The following FANCC variants were observed in gnomAD, a reference collection of about 807,000 sequenced individuals.
The protein encoded by FANCC is FA complementation group C.
Under a neutral mutation model 71.3 loss-of-function variants are expected in FANCC, and 55 were observed. The ratio of observed to expected loss-of-function variants is 0.77; its 90% CI spans 0.62 to 0.97. The LOEUF is 0.97. Among genes scored for constraint, FANCC ranks in the 50% least tolerant of loss-of-function variants. FANCC has a pLI of 0.00. For missense variants in FANCC, 678 were observed against 670.9 expected (o/e 1.01, Z -0.12); for synonymous variants, 275 against 244.9 (o/e 1.12, Z -1.15).
chr9:95,274,132 G>A (rs559584286), intron 1 of FANCC, among the ~76,000 whole-genome samples: 8 of 152,094 alleles, frequency 5.3e-5, no homozygotes, highest in East Asian at 1.9e-4. Context: ...CGATCAACCC[G>A]TCATCTACGT....
chr9:95,317,662 G>C lies in FANCC; in HGVS notation c.-215C>G, dbSNP rs1173057501. 2 of 152,208 alleles carry C rather than the reference G, an allele frequency of 1.3e-5. No homozygotes were observed. The highest frequency in any genetic ancestry group is 2.4e-5 in the African/African-American group (1 of 41,440). 9.4% of individuals were successfully genotyped at this position (152,208 alleles called of 1,614,324 possible). ...GTTTTTTTGGAATTTTCCCGCGGTC[G>C]CCCGGCAGTGGAGCCGCGCGCGCGC... On this transcript the variant is annotated 5_prime_UTR_variant, in exon 1 of 15. Transcript: ENST00000289081.
At chr9:95,168,557 A>G (rs1825455459) in intron 6 of FANCC, among the ~76,000 whole-genome samples, 1 of 152,186 alleles carries the variant, frequency 6.6e-6, no homozygotes, top group Non-Finnish European at 1.5e-5. Context: ...TCGAGATGGC[A>G]CCTTGCTCTG....
intron 6 of FANCC, among the ~76,000 whole-genome samples, chr9:95,163,223 T>C (rs1830858173): frequency 6.6e-6 from 1 of 152,238 alleles, no homozygotes; most frequent in African/African-American, 2.4e-5. Context: ...AGGATACCCT[T>C]GTCAAAGACC....
chr9:95,119,276 TCGACA>T (rs1304141739), intron 10 of FANCC, among the ~76,000 whole-genome samples: 1 of 152,210 alleles, frequency 6.6e-6, no homozygotes. Context: ...TCATATATTC[TCGACA>T]CAAGTCCTCT....
At chr9:95,211,129 A>T (rs957053837) in intron 4 of FANCC, among the ~76,000 whole-genome samples, 1 of 152,230 alleles carries the variant, frequency 6.6e-6, no homozygotes, top group Non-Finnish European at 1.5e-5. Flanking sequence ...ACTTGACAAC[A>T]GGCAGCACCA....
intron 10 of FANCC, among the ~76,000 whole-genome samples, chr9:95,124,363 G>A (rs1188967381): frequency 1.3e-5 from 2 of 152,146 alleles, no homozygotes; most frequent in Non-Finnish European, 2.9e-5. Context: ...TATATATGCT[G>A]AAAGGTGAAA....
In FANCC at chr9:95,105,505, A is replaced by AT. The variant is rs554110611; in HGVS notation, c.1533+1560dup. ...TGCTGGTGCTTTTTCTGAGATGAGT[A>AT]TTTTTTTAAATTGTGGTAAAATATA... On this transcript the variant is annotated intron_variant, in intron 14 of 14. Coordinates refer to ENST00000289081, the MANE Select transcript of FANCC (RefSeq NM_000136.3). 3.7e-4 allele frequency among the ~76,000 whole-genome samples: 57 copies of AT among 152,306 alleles called. 1 individual carries two copies. Among genetic ancestry groups the AT allele is most frequent in the East Asian group, 3.3e-3 (17 of 5,188 alleles).
At chr9:95,247,332 A>T in intron 3 of FANCC, 100 bp downstream of exon 3, 3 of 479,308 alleles carry the variant, frequency 6.3e-6, no homozygotes, top group East Asian at 4.5e-5. Context: ...TTGTTCCATT[A>T]AAAAAAAAAA....
chr9:95,199,206 G>C (rs1008440049), intron 4 of FANCC, among the ~76,000 whole-genome samples: 4 of 152,064 alleles, frequency 2.6e-5, no homozygotes, highest in Admixed American at 6.5e-5. Flanking sequence ...CTGTTCCACA[G>C]ACTGCACTCT....
At chr9:95,268,848 C>T (rs531211134) in intron 1 of FANCC, among the ~76,000 whole-genome samples, 1 of 152,300 alleles carries the variant, frequency 6.6e-6, no homozygotes, top group East Asian at 1.9e-4. Flanking sequence ...CAGGTGTGTG[C>T]CTGGCAGCTA....
intron 4 of FANCC, among the ~76,000 whole-genome samples, chr9:95,194,635 T>A (rs376635105): frequency 6.2e-5 from 9 of 144,096 alleles, no homozygotes; most frequent in Admixed American, 2.0e-4. Flanking sequence ...TTATTTGCCA[T>A]TTTTTTTTTG....
chr9:95,106,836 G>T (rs532768831), intron 14 of FANCC, among the ~76,000 whole-genome samples: 26 of 152,294 alleles, frequency 1.7e-4, no homozygotes, highest in South Asian at 6.2e-4. Flanking sequence ...GTGGGCCCAG[G>T]AGATGGCATC....
At chr9:95,127,256 G>A (rs1826140336) in intron 8 of FANCC, 1 of 152,644 alleles carries the variant, frequency 6.6e-6, no homozygotes, top group South Asian at 2.1e-4. Flanking sequence ...CACTGGCCCA[G>A]TCCCTGGTTC....
intron 4 of FANCC, among the ~76,000 whole-genome samples, chr9:95,226,945 A>AG (rs1380294173): frequency 6.6e-6 from 1 of 152,146 alleles, no homozygotes; most frequent in Admixed American, 6.5e-5. Context: ...GAAAGCTCTG[A>AG]GGGGTCTCTC....
chr9:95,201,394 G>A (rs574215446), intron 4 of FANCC, among the ~76,000 whole-genome samples: 8 of 152,148 alleles, frequency 5.3e-5, no homozygotes, highest in East Asian at 1.9e-4. Context: ...GTTCCAAGGC[G>A]TGAAGTTCCA....
chr9:95,249,052 G>A, intron 2 of FANCC, 75 bp downstream of exon 2: 1 of 1,501,252 alleles, frequency 6.7e-7, no homozygotes, highest in Non-Finnish European at 9.2e-7. Context: ...ATTCTGGGTG[G>A]CATTCTGTCT....
intron 6 of FANCC, among the ~76,000 whole-genome samples, chr9:95,156,184 C>T (rs542344893): frequency 6.6e-6 from 1 of 152,148 alleles, no homozygotes; most frequent in Non-Finnish European, 1.5e-5. Flanking sequence ...TGGCACAGAG[C>T]GAAGTCCACT....
At chr9:95,254,433 C>G (rs913054237) in intron 1 of FANCC, among the ~76,000 whole-genome samples, 3 of 152,134 alleles carry the variant, frequency 2.0e-5, no homozygotes, top group African/African-American at 7.2e-5. Context: ...GGAGGGTGAG[C>G]AGAAGCCAGG....
At chr9:95,185,451 G>T (rs1799574629) in intron 4 of FANCC, among the ~76,000 whole-genome samples, 1 of 152,198 alleles carries the variant, frequency 6.6e-6, no homozygotes. Flanking sequence ...CTTTAGGCAT[G>T]AAGACAGTCT....
Sources: allele counts gnomAD v4.1 joint callset (sites outside exome capture counted in the v4.1 genomes callset), GRCh38; gene constraint gnomAD v4.1.1; transcripts MANE v1.5; gene names NCBI Gene and HGNC (gene_info 2026-07-23, HGNC 2026-07-21).